The following WWOX variants were observed in gnomAD, a reference collection of about 807,000 sequenced individuals.
The protein encoded by WWOX is WW domain-containing oxidoreductase.
A neutral mutation model predicts 46.2 loss-of-function variants in WWOX; 69 were observed. The observed-to-expected ratio is 1.49, with a 90% CI of 1.23 to 1.82. WWOX has a LOEUF of 1.82. Among genes scored for constraint, WWOX ranks in the 40% most tolerant of loss-of-function variants. The pLI, the probability that WWOX is intolerant of heterozygous loss-of-function variation, is 0.00. For synonymous variants in WWOX, 359 were observed against 202.6 expected, an observed-to-expected ratio of 1.77 and a Z score of -6.56; for missense variants, 919 against 542.6, an observed-to-expected ratio of 1.69 and a Z score of -6.89.
chr16:78,595,550 C>T (rs575355810), intron 8 of WWOX, among the ~76,000 whole-genome samples: 1 of 152,324 alleles, frequency 6.6e-6, no homozygotes, highest in African/African-American at 2.4e-5. Flanking sequence ...TCAATCTCTC[C>T]CTCCCCACCA....
chr16:78,825,287 G>A (rs188105016), intron 8 of WWOX: 42 of 279,376 alleles, frequency 1.5e-4, no homozygotes, highest in Admixed American at 8.7e-4. Context: ...CATGATGGCC[G>A]CGCGAATTTC....
intron 8 of WWOX, among the ~76,000 whole-genome samples, chr16:79,117,805 A>C (rs1316241879): frequency 6.6e-6 from 1 of 152,056 alleles, no homozygotes; most frequent in Non-Finnish European, 1.5e-5. Flanking sequence ...CTAGCTTCCA[A>C]GTTTTCTTCT....
intron 6 of WWOX, among the ~76,000 whole-genome samples, chr16:78,388,608 C>T (rs78789784): frequency 0.07 from 8,559 of 122,740 alleles, 331 homozygotes; most frequent in South Asian, 0.19. Flanking sequence ...GATGGCACCA[C>T]TGCACTCCAG....
intron 8 of WWOX, among the ~76,000 whole-genome samples, chr16:78,775,601 C>G (rs1464678841): frequency 6.6e-6 from 1 of 152,156 alleles, no homozygotes; most frequent in Non-Finnish European, 1.5e-5. Context: ...TCCCCCACCT[C>G]TCCCCACAAC....
intron 8 of WWOX, among the ~76,000 whole-genome samples, chr16:78,628,577 A>G (rs2046360249): frequency 6.6e-6 from 1 of 152,224 alleles, no homozygotes; most frequent in African/African-American, 2.4e-5. Context: ...GGATAATTAC[A>G]CAGAATAAGC....
rs147104520 is a variant in WWOX, at chr16:78,127,585, A to G, written c.409+12431A>G. ...CAAGGAACAAAAAGGGATATATTAA[A>G]CTTGGGGGAAAAAGAGAAGGAAAAC... On this transcript the variant is annotated intron_variant, in intron 4 of 8. Transcript: ENST00000566780. 1.0e-3 allele frequency among the ~76,000 whole-genome samples: 158 copies of G among 151,650 alleles called. 1 individual carries two copies. The highest frequency in any genetic ancestry group is 3.7e-3 in the African/African-American group (153 of 41,316).
At chr16:78,258,083 T>A (rs148500823) in intron 5 of WWOX, among the ~76,000 whole-genome samples, 51 of 152,360 alleles carry the variant, frequency 3.3e-4, no homozygotes, top group African/African-American at 1.2e-3. Context: ...AGCTGCTCAT[T>A]TATTAAAATA....
intron 5 of WWOX, among the ~76,000 whole-genome samples, chr16:78,303,815 G>C (rs2080085742): frequency 6.6e-6 from 1 of 152,110 alleles, no homozygotes; most frequent in Non-Finnish European, 1.5e-5. Context: ...AAAGTGCTGG[G>C]ATTACAGGTG....
rs141685258 is a variant in WWOX at position 79,093,358 on chromosome 16, T to G, written c.1057-118250T>G. On this transcript the variant is annotated intron_variant, in intron 8 of 8. Transcript: ENST00000566780. ...AAATTTGTTTATTTAAATTTTCTCA[T>G]TTTAAAAAATGAGTCCTTTCAATTA... 2.7e-3 allele frequency among the ~76,000 whole-genome samples: 413 copies of G among 152,326 alleles called. 7 individuals are homozygous for G. The South Asian group carries it at 0.035, about 13-fold the overall frequency.
intron 8 of WWOX, among the ~76,000 whole-genome samples, chr16:79,173,564 T>G (rs2050742311): frequency 6.6e-6 from 1 of 151,482 alleles, no homozygotes; most frequent in Non-Finnish European, 1.5e-5. Flanking sequence ...AGACTGTAGC[T>G]CACAACACTC....
chr16:78,731,506 T>G (rs757725366), intron 8 of WWOX, among the ~76,000 whole-genome samples: 2 of 152,214 alleles, frequency 1.3e-5, no homozygotes, highest in Non-Finnish European at 2.9e-5. Context: ...CTTGTTTCCC[T>G]TTGTTAATTC....
At chr16:78,637,422 C>G (rs1173690317) in intron 8 of WWOX, among the ~76,000 whole-genome samples, 10 of 146,224 alleles carry the variant, frequency 6.8e-5, no homozygotes, top group African/African-American at 7.7e-5. Context: ...GCCTGGGCAA[C>G]AAGAGTGAAA....
At chr16:78,765,127 T>C (rs1441071153) in intron 8 of WWOX, among the ~76,000 whole-genome samples, 5 of 152,144 alleles carry the variant, frequency 3.3e-5, no homozygotes, top group Non-Finnish European at 7.4e-5. Context: ...GGTAGGGTGA[T>C]GGTCCTTGAA....
intron 8 of WWOX, among the ~76,000 whole-genome samples, chr16:78,861,541 T>C (rs190634457): frequency 6.6e-6 from 1 of 152,324 alleles, no homozygotes; most frequent in African/African-American, 2.4e-5. Context: ...ACATTATATA[T>C]TGTTATTCAT....
chr16:78,796,115 A>T (rs925767910), intron 8 of WWOX, among the ~76,000 whole-genome samples: 2 of 152,220 alleles, frequency 1.3e-5, no homozygotes, highest in Non-Finnish European at 2.9e-5. Flanking sequence ...TAGCTATCAC[A>T]TTTAGAAACG....
chr16:78,397,076 G>C (rs140659205), intron 6 of WWOX, among the ~76,000 whole-genome samples: 59 of 152,280 alleles, frequency 3.9e-4, no homozygotes, highest in African/African-American at 1.3e-3. Context: ...GTTGAGAGTC[G>C]ATGTTGTGTG....
chr16:78,674,577 A>T (rs1271969337), intron 8 of WWOX, among the ~76,000 whole-genome samples: 1 of 152,116 alleles, frequency 6.6e-6, no homozygotes, highest in East Asian at 1.9e-4. Context: ...GAGCCACAGC[A>T]CCCAGCCAGA....
chr16:78,817,454 T>C (rs111409851), intron 8 of WWOX, among the ~76,000 whole-genome samples: 38 of 152,340 alleles, frequency 2.5e-4, no homozygotes, highest in African/African-American at 8.9e-4. Context: ...CTGAAAGATC[T>C]ATCGGAAGAG....
intron 8 of WWOX, among the ~76,000 whole-genome samples, chr16:78,865,220 G>A (rs567728917): frequency 6.6e-6 from 1 of 152,068 alleles, no homozygotes; most frequent in African/African-American, 2.4e-5. Flanking sequence ...TTTAGGATGC[G>A]ATCAGTTTTT....
Sources: allele counts gnomAD v4.1 joint callset (sites outside exome capture counted in the v4.1 genomes callset), GRCh38; gene constraint gnomAD v4.1.1; transcripts MANE v1.5; gene names NCBI Gene and HGNC (gene_info 2026-07-23, HGNC 2026-07-21).